The following CEP112 variants were observed in gnomAD, a reference collection of about 807,000 sequenced individuals.
CEP112 encodes centrosomal protein of 112 kDa.
Under a neutral mutation model 153.0 loss-of-function variants are expected in CEP112, and 127 were observed. That is an observed-to-expected ratio of 0.83 (90% CI 0.72 to 0.96). The LOEUF is 0.96. Among genes scored for constraint, CEP112 ranks in the 40% least tolerant of loss-of-function variants. CEP112 has a pLI of 0.00. For synonymous variants in CEP112, 358 were observed against 374.4 expected (o/e 0.96, Z 0.51); for missense variants, 1,089 against 1,101.2 (o/e 0.99, Z 0.16).
chr17:66,016,652 A>G, intron 16 of CEP112, among the ~76,000 whole-genome samples: 1 of 152,192 alleles, frequency 6.6e-6, no homozygotes, highest in East Asian at 1.9e-4. Flanking sequence ...AGGAATTGCT[A>G]TCAGAGTTGC....
chr17:65,964,291 A>C (rs886200709), intron 17 of CEP112, among the ~76,000 whole-genome samples: 3 of 152,224 alleles, frequency 2.0e-5, no homozygotes, highest in Non-Finnish European at 4.4e-5. Flanking sequence ...TAGCTCAAAG[A>C]TAATGGTGAT....
chr17:65,902,006 G>GAAAAAAAAAA, intron 20 of CEP112, 146 bp downstream of exon 20: 4 of 243,084 alleles, frequency 1.6e-5, no homozygotes, highest in South Asian at 5.9e-5. Context: ...GGGTGGGGGG[G>GAAAAAAAAAA]AGAAAAACAA....
At chr17:65,680,830 A>C (rs2047484364) in intron 24 of CEP112, among the ~76,000 whole-genome samples, 1 of 152,210 alleles carries the variant, frequency 6.6e-6, no homozygotes, top group African/African-American at 2.4e-5. Context: ...CCTTCTTCAC[A>C]AGGCGGCAGG....
intron 20 of CEP112, among the ~76,000 whole-genome samples, chr17:65,859,412 C>T (rs532044844): frequency 1.6e-3 from 225 of 143,254 alleles, no homozygotes; most frequent in Non-Finnish European, 1.5e-3. Context: ...TGCACTCCAG[C>T]CTGGGTGACA....
intron 4 of CEP112, among the ~76,000 whole-genome samples, chr17:66,137,180 G>T (rs229851): frequency 0.32 from 48,952 of 151,862 alleles, 9,521 homozygotes; most frequent in East Asian, 0.83. Flanking sequence ...GAGGGCTGAA[G>T]AATACAATAA....
In CEP112 at chr17:66,150,195, C is replaced by T. The variant is rs564964610; in HGVS notation, c.471-17432G>A. 1.1e-4 allele frequency among the ~76,000 whole-genome samples: 16 copies of T among 141,072 alleles called. No homozygotes were observed. In the South Asian group the frequency reaches 3.6e-3, roughly 31 times the overall value. The allele number at this position is 141,072 out of a possible 152,430, so 92.5% of individuals were successfully genotyped here. A position where few individuals can be genotyped will look rare whatever the true frequency, so the allele number is the denominator to read the frequency against. ...GATTACAGGCGTGAGCCACCGCGCC[C>T]GGCCTTTTTTTTTTTTTTTTAAGAT... On this transcript the variant is annotated intron_variant, in intron 4 of 26. Transcript: ENST00000535342.
At chr17:66,015,921 T>C (rs192924589) in intron 16 of CEP112, among the ~76,000 whole-genome samples, 1 of 152,330 alleles carries the variant, frequency 6.6e-6, no homozygotes, top group Admixed American at 6.5e-5. Context: ...CCTCAAAATT[T>C]TTGATTCTTT....
chr17:65,667,772 T>G (rs1184165797), intron 24 of CEP112, among the ~76,000 whole-genome samples: 1 of 152,086 alleles, frequency 6.6e-6, no homozygotes, highest in Non-Finnish European at 1.5e-5. Context: ...TGTAGAACCA[T>G]GAAGAGCAAA....
At chr17:65,744,235 T>TTTTGTTTGTTTG (rs71160503) in intron 22 of CEP112, among the ~76,000 whole-genome samples, 11 of 149,540 alleles carry the variant, frequency 7.4e-5, no homozygotes, top group African/African-American at 1.5e-4. Context: ...TTTTTGTGTT[T>TTTTGTTTGTTTG]TTTGTTTGTT....
intron 16 of CEP112, among the ~76,000 whole-genome samples, chr17:66,013,456 G>C (rs2064629374): frequency 6.6e-6 from 1 of 152,064 alleles, no homozygotes; most frequent in Non-Finnish European, 1.5e-5. Flanking sequence ...GCATAAGGTG[G>C]GGTCCATCGA....
At chr17:66,067,007 G>A in intron 9 of CEP112, 130 bp from the exon 10 acceptor site, 1 of 422,530 alleles carries the variant, frequency 2.4e-6, no homozygotes, top group Non-Finnish European at 3.8e-6. Flanking sequence ...ACTACACTGT[G>A]AAATTATAAA....
At chr17:65,784,748 G>A (rs1187414361) in intron 21 of CEP112, among the ~76,000 whole-genome samples, 1 of 151,972 alleles carries the variant, frequency 6.6e-6, no homozygotes, top group African/African-American at 2.4e-5. Flanking sequence ...TAAAGTGCTG[G>A]GATTGCAGAG....
chr17:66,062,413 C>A (rs1465761688), intron 11 of CEP112, among the ~76,000 whole-genome samples: 5 of 151,802 alleles, frequency 3.3e-5, no homozygotes, highest in Non-Finnish European at 7.4e-5. Context: ...AATGTCCTCA[C>A]CAAAAAGAAC....
chr17:66,184,569 C>A (rs2072851674), intron 1 of CEP112, among the ~76,000 whole-genome samples: 1 of 152,012 alleles, frequency 6.6e-6, no homozygotes, highest in South Asian at 2.1e-4. Context: ...ACTGAGATAC[C>A]ACTAACATTA....
chr17:66,011,795 A>G (rs1648038203), intron 16 of CEP112, among the ~76,000 whole-genome samples: 1 of 152,122 alleles, frequency 6.6e-6, no homozygotes, highest in Non-Finnish European at 1.5e-5. Context: ...ATGATCTGAC[A>G]TTTGACTAAT....
chr17:66,100,926 T>C (rs1215356676), intron 6 of CEP112, among the ~76,000 whole-genome samples: 1 of 152,140 alleles, frequency 6.6e-6, no homozygotes, highest in Non-Finnish European at 1.5e-5. Context: ...TATGTACAAA[T>C]ACTGCACTAC....
chr17:66,186,258 C>T (rs78675586), intron 1 of CEP112, among the ~76,000 whole-genome samples: 5,191 of 152,168 alleles, frequency 0.034, 132 homozygotes, highest in Middle Eastern at 0.062. Flanking sequence ...CAAAGAAACC[C>T]GTCTGAAACT....
chr17:65,910,477 C>T (rs560852732), intron 19 of CEP112, among the ~76,000 whole-genome samples: 49 of 89,728 alleles, frequency 5.5e-4, no homozygotes, highest in African/African-American at 2.3e-3. Flanking sequence ...AAGGAAGAGG[C>T]CCATCATTAA....
chr17:65,915,649 G>C (rs146189967), intron 19 of CEP112, among the ~76,000 whole-genome samples: 1 of 151,856 alleles, frequency 6.6e-6, no homozygotes, highest in Non-Finnish European at 1.5e-5. Flanking sequence ...TTAGCCAGGC[G>C]TGGTGGTGGG....
Sources: gnomAD v4.1 joint callset for allele counts (sites outside exome capture counted in the v4.1 genomes callset) on GRCh38, gnomAD v4.1.1 for gene constraint, MANE v1.5 for transcripts, NCBI Gene and HGNC (gene_info 2026-07-23, HGNC 2026-07-21) for gene names.